ZNF497: variants seen among roughly 807,000 people sequenced by gnomAD.
ZNF497 encodes the protein zinc finger-like protein.
For synonymous variants in ZNF497, 422 were observed against 313.7 expected (o/e 1.35, Z -3.65); for missense variants, 930 against 714.0 (o/e 1.30, Z -3.45).
Position 58,357,441 on chromosome 19 carries a change from G to T in ZNF497, c.195C>A (p.Asp65Glu), listed in dbSNP as rs752982871. 1 of 1,600,152 alleles carries T rather than the reference G, an allele frequency of 6.2e-7. No individual in the cohort carries two copies. The change falls in exon 3 of 3, where the codon GAC becomes GAA. Residue 65 changes from aspartate to glutamate, a missense_variant. Coordinates refer to ENST00000311044, the MANE Select transcript of ZNF497 (RefSeq NM_198458.3). The part of the protein sequence containing the change: ...QRQQATLGAA[D>E]EQGGPGRELG... ...GCTCCCTGCCGGGGCCTCCCTGTTC[G>T]TCCGCCGCCCCCAGTGTGGCTTGCT...
chr19:58,360,803 G>A (rs1176841576), intron 1 of ZNF497, among the ~76,000 whole-genome samples: 1 of 56,112 alleles, frequency 1.8e-5, no homozygotes, highest in Non-Finnish European at 3.2e-5. Context: ...TTTTTTTTGA[G>A]AAGAGTCTTG....
In ZNF497 at chr19:58,357,291, G is replaced by T; in HGVS notation, c.345C>A (p.Phe115Leu). The T allele has an allele frequency of 6.2e-7, 1 of 1,611,718 alleles. No homozygotes were observed. The highest frequency in any genetic ancestry group is 2.2e-5 in the East Asian group (1 of 44,806). Reference sequence around the variant, plus strand: ...GCTGCAGCAAGTAAGAGCCCTGGCTGAACGCCTTGCCGCACTCCCCGCACC... The same window carrying T: ...GCTGCAGCAAGTAAGAGCCCTGGCTTAACGCCTTGCCGCACTCCCCGCACC... ...GCRCGECGKA[F>L]SQGSYLLQHR... Residue 115 changes from phenylalanine to leucine, a missense_variant, in exon 3 of 3, where the codon TTC (phenylalanine) becomes TTA (leucine). Physicochemically the swap from Phe to Leu is conservative, Grantham distance 22 (BLOSUM62 0). Coordinates refer to ENST00000311044, the MANE Select transcript of ZNF497 (RefSeq NM_198458.3).
chr19:58,359,788 C>G (rs2052070925), intron 1 of ZNF497, among the ~76,000 whole-genome samples: 1 of 152,116 alleles, frequency 6.6e-6, no homozygotes, highest in Non-Finnish European at 1.5e-5. Context: ...GCCTGGCCAA[C>G]ATGGTGAAAC....
intron 2 of ZNF497, 175 bp from the exon 3 acceptor site, chr19:58,357,824 A>G: frequency 8.3e-7 from 1 of 1,211,684 alleles, no homozygotes; most frequent in South Asian, 1.9e-5. Context: ...CGGGCTAGAC[A>G]CTCGGGGGAT....
At chr19:58,358,978 C>G (rs781379028) in intron 1 of ZNF497, 4 of 471,744 alleles carry the variant, frequency 8.5e-6, no homozygotes, top group African/African-American at 8.0e-5. Context: ...TGCCTAGCCA[C>G]TGCTCCTGCG....
chr19:58,360,767 C>CTTT (rs551580074), intron 1 of ZNF497, among the ~76,000 whole-genome samples: 940 of 34,550 alleles, frequency 0.027, 327 homozygotes, highest in Middle Eastern at 0.04. Context: ...GTCCCGAACT[C>CTTT]TTTTTTTTTT....
rs61732979 is a variant in ZNF497 at position 58,356,477 on chromosome 19, C to T, written c.1159G>A (p.Ala387Thr). The change falls in exon 3 of 3, where the codon GCC becomes ACC. Residue 387 changes from alanine (A) to threonine (T), a missense_variant. Ala to Thr is a moderately conservative substitution (Grantham distance 58). Transcript: ENST00000311044. The stretch of plus-strand genomic sequence containing the variant: ...AAGGCCTTGCCGCAGTCGGCGCAGG[C>T]GAAGGGCTTGGCGCCCGAGTGCGTG... Reference protein sequence around the residue: ...RRTHSGAKPFACADCGKAFRG... With the variant: ...RRTHSGAKPFTCADCGKAFRG... The T allele has an allele frequency of 2.5e-3, 3,909 of 1,551,142 alleles. 69 individuals are homozygous for T. The African/African-American group carries it at 0.043, about 17-fold the overall frequency.
At chr19:58,359,154 C>T (rs1261972856) in intron 1 of ZNF497, 1 of 1,284,368 alleles carries the variant, frequency 7.8e-7, no homozygotes, top group Non-Finnish European at 1.0e-6. Context: ...TAGCAGAACC[C>T]CCAGAAGCAC....
chr19:58,357,984 C>T (rs1486302068), intron 2 of ZNF497: 1 of 1,271,950 alleles, frequency 7.9e-7, no homozygotes. Flanking sequence ...CCACTCTCCT[C>T]TCCTTGCTTC....
At chr19:58,359,343 C>A in intron 1 of ZNF497, 1 of 1,115,838 alleles carries the variant, frequency 9.0e-7, no homozygotes, top group Non-Finnish European at 1.2e-6. Flanking sequence ...CAAAGGTGAG[C>A]CTGTGAGCAC....
At chr19:58,358,059 G>A (rs927166770) in intron 2 of ZNF497, 79 of 1,218,950 alleles carry the variant, frequency 6.5e-5, no homozygotes, top group Non-Finnish European at 7.8e-5. Context: ...CGATGGACCC[G>A]TCTCCATTCC....
In ZNF497 at chr19:58,357,476, C is replaced by T; in HGVS notation, c.160G>A (p.Gly54Ser). 3.1e-6 allele frequency: 5 copies of T among 1,593,544 alleles called. No homozygotes were observed. Among genetic ancestry groups the T allele is most frequent in the Non-Finnish European group, 4.3e-6 (5 of 1,170,314 alleles). Reference protein sequence around the residue: ...STEVPREAGDGQRQQATLGAA... With the variant: ...STEVPREAGDSQRQQATLGAA... Reference sequence around the variant, plus strand: ...CCCAGTGTGGCTTGCTGCCGCTGGCCGTCCCCTGCCTCCCTCGGAACCTCC... The same window carrying T: ...CCCAGTGTGGCTTGCTGCCGCTGGCTGTCCCCTGCCTCCCTCGGAACCTCC... Residue 54 changes from glycine to serine, a missense_variant, in exon 3 of 3, where the codon GGC becomes AGC. Transcript: ENST00000311044.
chr19:58,361,360 C>G (rs1349121800), intron 1 of ZNF497, among the ~76,000 whole-genome samples: 1 of 152,048 alleles, frequency 6.6e-6, no homozygotes, highest in Non-Finnish European at 1.5e-5. Context: ...GTTTTTCTTT[C>G]TCTTCTCTTT....
Position 58,357,498 on chromosome 19 carries a change from C to T in ZNF497, c.138G>A (p.Glu46=), listed in dbSNP as rs1037373383. The change falls in exon 3 of 3, where the codon GAG becomes GAA. Residue 46 remains glutamate (E), a synonymous_variant. Transcript: ENST00000311044. The stretch of plus-strand genomic sequence containing the variant: ...GGCCGTCCCCTGCCTCCCTCGGAAC[C>T]TCCGTGGAGTTTTCCCAGGCCCCCC... ...GGWGAWENST[E]VPREAGDGQR... 1.2e-6 allele frequency: 2 copies of T among 1,602,304 alleles called. No homozygotes were observed. Among genetic ancestry groups the T allele is most frequent in the East Asian group, 2.2e-5 (1 of 44,788 alleles).
At chr19:58,359,284 G>A in intron 1 of ZNF497, 2 of 1,288,612 alleles carry the variant, frequency 1.6e-6, no homozygotes, top group South Asian at 2.5e-5. Context: ...TTTCCTGGGA[G>A]GGGAGTGCAG....
rs773012117 is a variant in ZNF497, at chr19:58,357,134, C to T, written c.502G>A (p.Gly168Ser). ...GEKPYACREC[G>S]KAFRAHSQLI... ...TGCGAGTGCGCGCGGAAGGCCTTGC[C>T]GCACTCCCTGCAAGCGTAGGGCTTC... The change falls in exon 3 of 3, where the codon GGC becomes AGC. Residue 168 changes from glycine (G) to serine (S), a missense_variant. Transcript: ENST00000311044. 5.0e-6 allele frequency: 8 copies of T among 1,602,312 alleles called. No homozygotes were observed. Among genetic ancestry groups the T allele is most frequent in the Middle Eastern group, 1.7e-4 (1 of 6,040 alleles).
At chr19:58,357,956 A>C (rs1290853942) in intron 2 of ZNF497, 1 of 1,316,204 alleles carries the variant, frequency 7.6e-7, no homozygotes, top group East Asian at 3.4e-5. Context: ...ACGCACCTGC[A>C]CTGGCCCTAC....
At position 58,357,585 on chromosome 19, in the gene ZNF497, C is replaced by T; in HGVS notation, c.51G>A (p.Gln17=). ...TGGCAGTCTTCACATTGCAGAGGAC[C>T]TGGCCTTCCTCTGGGGCCACCTGCA... ...WTLQVAPEEG[Q]VLCNVKTATR... is the part of the protein sequence containing the mutation. Residue 17 remains glutamine (Q), a synonymous_variant, in exon 3 of 3, where the codon CAG becomes CAA. Coordinates refer to ENST00000311044, the MANE Select transcript of ZNF497 (RefSeq NM_198458.3). 1 of 1,579,820 alleles carries T rather than the reference C, an allele frequency of 6.3e-7. No individual in the cohort carries two copies. Among genetic ancestry groups the T allele is most frequent in the Non-Finnish European group, 8.6e-7 (1 of 1,165,024 alleles).
In ZNF497 at chr19:58,356,608, G is replaced by C. The variant is rs1199073479; in HGVS notation, c.1028C>G (p.Ser343Cys). ...AECGQAFVMG[S>C]YLAEHRRVHT... ...CACGCGCCGGTGCTCCGCCAGGTAG[G>C]AGCCCATGACGAAAGCCTGGCCGCA... Residue 343 changes from serine (S) to cysteine (C), a missense_variant, in exon 3 of 3, where the codon TCC becomes TGC. Transcript: ENST00000311044. The C allele has an allele frequency of 3.2e-6, 5 of 1,546,502 alleles. No individual in the cohort carries two copies. Among genetic ancestry groups the C allele is most frequent in the Non-Finnish European group, 4.3e-6 (5 of 1,151,002 alleles).
Sources: allele counts gnomAD v4.1 joint callset (sites outside exome capture counted in the v4.1 genomes callset), GRCh38; gene constraint gnomAD v4.1.1; transcripts MANE v1.5; gene names NCBI Gene and HGNC (gene_info 2026-07-23, HGNC 2026-07-21).